The following ZPBP variants were observed in gnomAD, a reference collection of about 807,000 sequenced individuals.
ZPBP encodes zona pellucida-binding protein 1.
A neutral mutation model predicts 44.8 loss-of-function variants in ZPBP; 26 were observed. The ratio of observed to expected loss-of-function variants is 0.58; its 90% CI spans 0.43 to 0.81. The LOEUF (loss-of-function observed/expected upper bound fraction) is 0.81. Among genes scored for constraint, ZPBP ranks in the 30% least tolerant of loss-of-function variants. ZPBP has a pLI of 0.00. For synonymous variants in ZPBP, 174 were observed against 153.2 expected, an observed-to-expected ratio of 1.14 and a Z score of -1.00; for missense variants, 409 against 434.0, an observed-to-expected ratio of 0.94 and a Z score of 0.51.
At position 50,034,469 on chromosome 7, in the gene ZPBP, C is replaced by T. The variant is rs1799740728; in HGVS notation, c.488-3159G>A. ...GGAAAATCTATCAAATTGCCACTCC[C>T]TGCCCATCCCAACTGAAATGTTTTG... On this transcript the variant is annotated intron_variant, in intron 4 of 7. Coordinates refer to ENST00000046087, the MANE Select transcript of ZPBP (RefSeq NM_007009.3). 2.0e-5 allele frequency among the ~76,000 whole-genome samples: 3 copies of T among 152,284 alleles called. No individual in the cohort carries two copies. The South Asian group carries it at 6.2e-4, about 32-fold the overall frequency.
At chr7:50,047,524 C>T (rs752688150) in intron 4 of ZPBP, among the ~76,000 whole-genome samples, 1 of 151,914 alleles carries the variant, frequency 6.6e-6, no homozygotes, top group Non-Finnish European at 1.5e-5. Flanking sequence ...GCAGGGAAGT[C>T]GCAGCAGGAA....
At chr7:49,844,701 A>AT in the ZPBP span, among the ~76,000 whole-genome samples, 5 of 151,606 alleles carry the variant, frequency 3.3e-5, no homozygotes, top group East Asian at 1.9e-4. Context: ...TTTTATTTTT[A>AT]TTTTTTTTGA....
intron 6 of ZPBP, among the ~76,000 whole-genome samples, chr7:50,001,483 G>C (rs1397760598): frequency 6.6e-6 from 1 of 152,118 alleles, no homozygotes; most frequent in Non-Finnish European, 1.5e-5. Flanking sequence ...AAGAAAACCT[G>C]TTCCTCTTTT....
In ZPBP at chr7:49,983,500, C is replaced by A; in HGVS notation, c.803G>T (p.Arg268Ile). 1.2e-6 allele frequency: 2 copies of A among 1,604,956 alleles called. No homozygotes were observed. Among genetic ancestry groups the A allele is most frequent in the East Asian group, 4.5e-5 (2 of 44,664 alleles). The change falls in exon 7 of 8, where the codon AGA (arginine) becomes ATA (isoleucine). Residue 268 changes from arginine to isoleucine, a missense_variant. Physicochemically the swap from Arg to Ile is moderately conservative, Grantham distance 97 (BLOSUM62 -3). Transcript: ENST00000046087. Reference sequence around the variant, plus strand: ...AATTTCTACTTGTTGATTAAAAAATCTCTCTATGAGATTTTTAGCCTAAAA... The same window carrying A: ...AATTTCTACTTGTTGATTAAAAAATATCTCTATGAGATTTTTAGCCTAAAA... ...RLFKAKNLIERFFNQQVEILG... is the reference protein window; with the variant it reads ...RLFKAKNLIEIFFNQQVEILG...
intron 6 of ZPBP, among the ~76,000 whole-genome samples, chr7:50,000,805 C>A (rs1798061061): frequency 6.6e-6 from 1 of 152,114 alleles, no homozygotes; most frequent in Non-Finnish European, 1.5e-5. Context: ...TTCATGCCCC[C>A]ACCACCACAT....
rs548385128 is a variant in ZPBP, at chr7:50,086,886, C to T, written c.208+2743G>A. On this transcript the variant is annotated intron_variant, in intron 2 of 7. Coordinates refer to ENST00000046087, the MANE Select transcript of ZPBP (RefSeq NM_007009.3). ...CTTAAAGGAAATCCATAGCCAGACA[C>T]ATCATAATCAAACTGACAAAATCCA... Among the ~76,000 whole-genome samples, 8 of 152,130 alleles carry T rather than the reference C, an allele frequency of 5.3e-5. No homozygotes were observed. The South Asian group carries it at 1.0e-3, about 20-fold the overall frequency.
chr7:50,065,427 G>A (rs1327885061), intron 3 of ZPBP, among the ~76,000 whole-genome samples: 1 of 150,926 alleles, frequency 6.6e-6, no homozygotes, highest in African/African-American at 2.5e-5. Flanking sequence ...TTTCTCCGTA[G>A]AGTTTTGTTA....
chr7:49,985,097 T>A (rs1797201054), intron 6 of ZPBP, among the ~76,000 whole-genome samples: 1 of 152,188 alleles, frequency 6.6e-6, no homozygotes, highest in Non-Finnish European at 1.5e-5. Context: ...TGTGATGGAA[T>A]GGTACCCTGT....
intron 4 of ZPBP, among the ~76,000 whole-genome samples, chr7:50,044,918 C>T (rs952499047): frequency 2.0e-5 from 3 of 150,676 alleles, no homozygotes; most frequent in Non-Finnish European, 4.5e-5. Context: ...CAATAAAATA[C>T]TGTCCAGCAG....
chr7:50,066,348 T>G (rs1341058238), intron 3 of ZPBP, among the ~76,000 whole-genome samples: 1 of 150,380 alleles, frequency 6.6e-6, no homozygotes, highest in Non-Finnish European at 1.5e-5. Context: ...TATAGCTGAT[T>G]ATTTCCTGGG....
At chr7:49,893,216 T>A (rs1792219390) in intron 2 of ZPBP, among the ~76,000 whole-genome samples, 1 of 152,184 alleles carries the variant, frequency 6.6e-6, no homozygotes, top group Admixed American at 6.5e-5. Context: ...TTGAAAGGAT[T>A]GGAACAGGGT....
chr7:49,841,477 TTCACTTAAACAG>T, the ZPBP span, among the ~76,000 whole-genome samples: 2 of 152,210 alleles, frequency 1.3e-5, no homozygotes, highest in Non-Finnish European at 2.9e-5. Context: ...ATATAAAATT[TTCACTTAAACAG>T]TACTGAGCAA....
intron 7 of ZPBP, among the ~76,000 whole-genome samples, chr7:49,973,601 A>G (rs1413211066): frequency 6.6e-6 from 1 of 152,140 alleles, no homozygotes. Context: ...CTCAATATCA[A>G]TTAGTCATTA....
At chr7:49,964,774 T>C (rs1795995269) in intron 7 of ZPBP, among the ~76,000 whole-genome samples, 1 of 152,152 alleles carries the variant, frequency 6.6e-6, no homozygotes, top group Non-Finnish European at 1.5e-5. Context: ...ATTCTTACAA[T>C]GTGACTTAAT....
intron 2 of ZPBP, among the ~76,000 whole-genome samples, chr7:49,865,415 G>A (rs1790839614): frequency 2.6e-5 from 4 of 152,208 alleles, no homozygotes; most frequent in African/African-American, 7.2e-5. Flanking sequence ...AGCTTTGGCT[G>A]TATAACCAAC....
At chr7:49,901,334 A>C (rs763014520) in intron 1 of ZPBP, 4 of 151,998 alleles carry the variant, frequency 2.6e-5, no homozygotes, top group Middle Eastern at 3.4e-3. Flanking sequence ...AATCAAGAAA[A>C]AAAACTTCAG....
At chr7:49,902,387 G>A (rs1487477237) in intron 1 of ZPBP, among the ~76,000 whole-genome samples, 1 of 151,958 alleles carries the variant, frequency 6.6e-6, no homozygotes, top group Non-Finnish European at 1.5e-5. Context: ...GAAGAGGACA[G>A]ACACATAGAT....
chr7:49,907,077 A>C (rs1482931619), intron 1 of ZPBP, among the ~76,000 whole-genome samples: 1 of 152,314 alleles, frequency 6.6e-6, no homozygotes, highest in African/African-American at 2.4e-5. Flanking sequence ...CTGTGTATGG[A>C]TGTGGAGTGA....
chr7:49,879,451 G>C (rs957984433), intron 2 of ZPBP, among the ~76,000 whole-genome samples: 1 of 152,152 alleles, frequency 6.6e-6, no homozygotes, highest in Non-Finnish European at 1.5e-5. Flanking sequence ...GTACCAGACA[G>C]CATGCCATGT....
Sources: gnomAD v4.1 joint callset for allele counts (sites outside exome capture counted in the v4.1 genomes callset) on GRCh38, gnomAD v4.1.1 for gene constraint, MANE v1.5 for transcripts, NCBI Gene and HGNC (gene_info 2026-07-23, HGNC 2026-07-21) for gene names.